The following ZNF823 variants were observed in gnomAD, a reference collection of about 807,000 sequenced individuals.
ZNF823 encodes the protein zinc finger protein 823.
In ZNF823, 5 loss-of-function variants were observed where a neutral mutation model predicts 11.4. The observed-to-expected ratio is 0.44, with a 90% CI of 0.23 to 0.92. The LOEUF is 0.92. Ranked by LOEUF, ZNF823 falls within the 40% of genes least tolerant of loss-of-function variation. The pLI is 0.24. For synonymous variants in ZNF823, 234 were observed against 250.5 expected (o/e 0.93, Z 0.62); for missense variants, 582 against 738.5 (o/e 0.79, Z 2.46).
rs1360288531 is a variant in ZNF823, at chr19:11,723,154, T to G, written c.380A>C (p.Glu127Ala). ...TGGCTTCTCTCCATATTCCTGATGC[T>G]CACATGATTTGTGTCCAGTGTCAAC... ...IRVDTGHKSC[E>A]HQEYGEKPYT... The change falls in exon 4 of 4, where the codon GAG (glutamate) becomes GCG (alanine). Residue 127 changes from glutamate (E) to alanine (A), a missense_variant. Transcript: ENST00000341191. 1 of 1,614,076 alleles carries G rather than the reference T, an allele frequency of 6.2e-7. No individual in the cohort carries two copies. The highest frequency in any genetic ancestry group is 1.3e-5 in the African/African-American group (1 of 74,910).
intron 1 of ZNF823, 31 bp from the exon 2 acceptor site, chr19:11,725,358 G>T: frequency 6.2e-7 from 1 of 1,611,082 alleles, no homozygotes; most frequent in Non-Finnish European, 8.5e-7. Context: ...AGAGGAGGAA[G>T]GTTGAGATGG....
chr19:11,732,848 C>A (rs1974927395), intron 1 of ZNF823, among the ~76,000 whole-genome samples: 1 of 152,218 alleles, frequency 6.6e-6, no homozygotes, highest in South Asian at 2.1e-4. Flanking sequence ...GCCTCCCTCC[C>A]TTTCCTGGGG....
At chr19:11,737,138 G>A (rs186174999) in intron 1 of ZNF823, among the ~76,000 whole-genome samples, 15 of 152,252 alleles carry the variant, frequency 9.9e-5, no homozygotes, top group Admixed American at 9.8e-4. Flanking sequence ...CCCAGGACCA[G>A]GACACCATAG....
chr19:11,725,905 G>A (rs574481156), intron 1 of ZNF823: 1 of 152,418 alleles, frequency 6.6e-6, no homozygotes, highest in South Asian at 2.1e-4. Context: ...GACCAGCATG[G>A]GCAACATAGT....
chr19:11,723,176 C>G lies in ZNF823; in HGVS notation c.358G>C (p.Asp120His). 1 of 1,614,150 alleles carries G rather than the reference C, an allele frequency of 6.2e-7. No homozygotes were observed. Residue 120 changes from aspartate (D) to histidine (H), a missense_variant, in exon 4 of 4, where the codon GAC becomes CAC. Around this residue, in one of 3 missense-constraint regions of ZNF823, gnomAD observed 429 missense variants for 553.7 expected, o/e 0.77. Transcript: ENST00000341191. ...TGCTCACATGATTTGTGTCCAGTGT[C>G]AACTCTGATGTTGCAATTAAGAGAC... is the stretch of plus-strand genomic sequence containing the variant. ...HSSLNCNIRVDTGHKSCEHQE... is the reference protein window; with the variant it reads ...HSSLNCNIRVHTGHKSCEHQE...
At chr19:11,735,276 AAAAAC>A (rs1392503181) in intron 1 of ZNF823, among the ~76,000 whole-genome samples, 7 of 117,852 alleles carry the variant, frequency 5.9e-5, no homozygotes, top group African/African-American at 2.2e-4. Flanking sequence ...CTCCATTTCA[AAAAAC>A]AAAAAAAAAA....
At chr19:11,723,446 G>T in intron 3 of ZNF823, 104 bp from the exon 4 acceptor site, 1 of 1,012,498 alleles carries the variant, frequency 9.9e-7, no homozygotes, top group Non-Finnish European at 1.4e-6. Flanking sequence ...CAAAGTACAG[G>T]CTTCATCCCC....
At position 11,738,913 on chromosome 19, in the gene ZNF823, T is replaced by C; in HGVS notation, c.-94A>G. ...ATACAGACCTTCCAGGGCGTCTCTC[T>C]CTCAGCGCCAGAGCCAGGACTCAGA... On this transcript the variant is annotated 5_prime_UTR_variant, in exon 1 of 4. Transcript: ENST00000341191. 1 of 1,484,702 alleles carries C rather than the reference T, an allele frequency of 6.7e-7. No homozygotes were observed. The highest frequency in any genetic ancestry group is 9.0e-7 in the Non-Finnish European group (1 of 1,107,658). 92.0% of individuals were successfully genotyped at this position (1,484,702 alleles called of 1,614,324 possible).
intron 1 of ZNF823, among the ~76,000 whole-genome samples, chr19:11,732,463 C>CAAAG (rs1415302692): frequency 7.0e-6 from 1 of 141,876 alleles, no homozygotes. Flanking sequence ...CCGCGCCCGG[C>CAAAG]CATTTTTTTG....
chr19:11,736,567 A>G (rs543984436), intron 1 of ZNF823, among the ~76,000 whole-genome samples: 7 of 152,332 alleles, frequency 4.6e-5, no homozygotes, highest in African/African-American at 1.7e-4. Flanking sequence ...ATAGGACTAA[A>G]TATGTAATGA....
intron 1 of ZNF823, chr19:11,725,923 T>C (rs182987675): frequency 1.9e-4 from 29 of 152,356 alleles, no homozygotes; most frequent in African/African-American, 6.3e-4. Context: ...AGTGAGCCCT[T>C]TTCTCAACAA....
At chr19:11,731,950 G>A (rs1974903440) in intron 1 of ZNF823, among the ~76,000 whole-genome samples, 3 of 147,922 alleles carry the variant, frequency 2.0e-5, no homozygotes, top group Non-Finnish European at 4.4e-5. Context: ...CAGAGGTTGC[G>A]ATGAGCCGAG....
rs894854087 is a variant in ZNF823, at chr19:11,738,906, G to GTC, written c.-89_-88dup. ...GACGCTGATACAGACCTTCCAGGGC[G>GTC]TCTCTCTCTCAGCGCCAGAGCCAGG... On this transcript the variant is annotated 5_prime_UTR_variant, in exon 1 of 4. Transcript: ENST00000341191. 16 of 1,512,440 alleles carry GTC rather than the reference G, an allele frequency of 1.1e-5. No individual in the cohort carries two copies. The African/African-American group carries it at 1.5e-4, about 15-fold the overall frequency. The allele number at this position is 1,512,440 out of a possible 1,614,324, so 93.7% of individuals were successfully genotyped here. A position where few individuals can be genotyped will look rare whatever the true frequency, so the allele number is the denominator to read the frequency against.
At chr19:11,735,514 C>T (rs746918048) in intron 1 of ZNF823, among the ~76,000 whole-genome samples, 11 of 152,124 alleles carry the variant, frequency 7.2e-5, no homozygotes, top group Non-Finnish European at 1.3e-4. Flanking sequence ...TCCAACTTTC[C>T]AGTGCTCTGC....
intron 2 of ZNF823, 107 bp from the exon 3 acceptor site, chr19:11,724,361 A>G (rs1974751151): frequency 5.2e-6 from 5 of 960,752 alleles, no homozygotes; most frequent in Non-Finnish European, 7.6e-6. Context: ...ACCAAAGTAC[A>G]TGTGACTCTT....
At chr19:11,733,379 A>G (rs1240106630) in intron 1 of ZNF823, among the ~76,000 whole-genome samples, 8 of 149,792 alleles carry the variant, frequency 5.3e-5, no homozygotes, top group Admixed American at 1.3e-4. Context: ...AAAAAAAAAA[A>G]AAAGAAAAAG....
chr19:11,735,380 T>C (rs1974976585), intron 1 of ZNF823, among the ~76,000 whole-genome samples: 3 of 152,154 alleles, frequency 2.0e-5, no homozygotes, highest in African/African-American at 4.8e-5. Flanking sequence ...AATATGCTTT[T>C]AGAGTGAAGT....
chr19:11,726,003 G>A (rs573318074), intron 1 of ZNF823: 1 of 151,254 alleles, frequency 6.6e-6, no homozygotes, highest in African/African-American at 2.4e-5. Context: ...CAAGACAGGT[G>A]GATCACTTAA....
Position 11,722,219 on chromosome 19 carries a change from T to G in ZNF823, c.1315A>C (p.Thr439Pro). The part of the protein sequence containing the change: ...GSLRRHEATH[T>P]GVKPYKCQCG... ...TGACATTTATAGGGTTTCACTCCAG[T>G]GTGAGTTGCTTCATGTCTTCGAAGG... Residue 439 changes from threonine (T) to proline (P), a missense_variant, in exon 4 of 4, where the codon ACT (threonine) becomes CCT (proline). Coordinates refer to ENST00000341191, the MANE Select transcript of ZNF823 (RefSeq NM_001080493.4). The surrounding 1 kb of genome is among the most constrained non-coding windows in gnomAD (Gnocchi z 5.2). The G allele has an allele frequency of 6.2e-7, 1 of 1,614,072 alleles. No individual in the cohort carries two copies. Among genetic ancestry groups the G allele is most frequent in the Non-Finnish European group, 8.5e-7 (1 of 1,179,990 alleles).
Sources: gnomAD v4.1 joint callset for allele counts (sites outside exome capture counted in the v4.1 genomes callset) on GRCh38, gnomAD v4.1.1 for gene constraint, gnomAD v4.1.1 regional missense constraint, Gnocchi (gnomAD v3.1) non-coding constraint, MANE v1.5 for transcripts, NCBI Gene and HGNC (gene_info 2026-07-23, HGNC 2026-07-21) for gene names.